ST6GAL1: variants seen among roughly 807,000 people sequenced by gnomAD.
The protein encoded by ST6GAL1 is ST6 beta-galactoside alpha-2,6-sialyltransferase 1, also known as beta-galactoside alpha-2,6-sialyltransferase 1.
ST6GAL1 carries 20 observed loss-of-function variants against 38.0 expected under a neutral mutation model. The observed-to-expected ratio is 0.53, with a 90% confidence interval of 0.37 to 0.77. ST6GAL1 has a LOEUF of 0.77. ST6GAL1 is among the 30% of genes least tolerant of loss of function. ST6GAL1 has a pLI of 0.00. For synonymous variants in ST6GAL1, 196 were observed against 188.2 expected (o/e 1.04, Z -0.34); for missense variants, 432 against 496.4 (o/e 0.87, Z 1.23).
chr3:187,064,325 CA>C (rs1719020117), intron 5 of ST6GAL1, among the ~76,000 whole-genome samples: 1 of 152,094 alleles, frequency 6.6e-6, no homozygotes, highest in African/African-American at 2.4e-5. Flanking sequence ...TGAGATAAGG[CA>C]GGGGGAGGGG....
intron 2 of ST6GAL1, among the ~76,000 whole-genome samples, chr3:186,969,266 T>A (rs910678566): frequency 6.6e-6 from 1 of 152,164 alleles, no homozygotes; most frequent in Non-Finnish European, 1.5e-5. Context: ...TTAGCCAGGC[T>A]GGTGTTGAAC....
chr3:186,957,623 T>C (rs1290104837), intron 1 of ST6GAL1, among the ~76,000 whole-genome samples: 1 of 151,898 alleles, frequency 6.6e-6, no homozygotes, highest in African/African-American at 2.4e-5. Flanking sequence ...CTTGAGTACC[T>C]GGGGCTGTGA....
chr3:187,050,320 G>C (rs1402697822), intron 4 of ST6GAL1, among the ~76,000 whole-genome samples: 1 of 152,110 alleles, frequency 6.6e-6, no homozygotes, highest in Non-Finnish European at 1.5e-5. Context: ...GTTCTCATAG[G>C]ATCACAGGAT....
At chr3:187,063,210 A>T (rs1161606757) in intron 5 of ST6GAL1, among the ~76,000 whole-genome samples, 1 of 152,230 alleles carries the variant, frequency 6.6e-6, no homozygotes, top group Non-Finnish European at 1.5e-5. Flanking sequence ...TACCCACAAC[A>T]TGATGGTGGT....
At chr3:186,953,015 A>G (rs1161288617) in intron 1 of ST6GAL1, among the ~76,000 whole-genome samples, 1 of 152,154 alleles carries the variant, frequency 6.6e-6, no homozygotes, top group Admixed American at 6.5e-5. Flanking sequence ...TTTCACAATA[A>G]ATTAAGAAAC....
chr3:187,064,867 A>AC (rs71634026), intron 5 of ST6GAL1, among the ~76,000 whole-genome samples: 2 of 152,090 alleles, frequency 1.3e-5, no homozygotes, highest in Admixed American at 6.6e-5. Flanking sequence ...CGGGGTCCCC[A>AC]CCCCCACTCC....
chr3:187,046,484 G>A (rs1046731649), intron 4 of ST6GAL1, among the ~76,000 whole-genome samples: 4 of 152,134 alleles, frequency 2.6e-5, no homozygotes, highest in Non-Finnish European at 5.9e-5. Context: ...TATAATCCAG[G>A]GAAGAAGACC....
Position 187,077,224 on chromosome 3 carries a change from GCTGGCCCA to G in ST6GAL1, c.*1425_*1432del. ...GCAACTTCAGGCTCTCTGGGCAGAG[GCTGGCCCA>G]CTGTAGTTTGCAGACATGCTCTCCA... On this transcript the variant is annotated 3_prime_UTR_variant, in exon 8 of 8. Coordinates refer to ENST00000169298, the MANE Select transcript of ST6GAL1 (RefSeq NM_173216.2). 2.7e-6 allele frequency: 1 copy of G among 369,698 alleles called. No homozygotes were observed. Among genetic ancestry groups the G allele is most frequent in the Admixed American group, 4.6e-5 (1 of 21,532 alleles). The allele number at this position is 369,698 out of a possible 1,614,324, so 22.9% of individuals were successfully genotyped here.
At chr3:186,944,809 G>A (rs78054115) in intron 1 of ST6GAL1, among the ~76,000 whole-genome samples, 14,703 of 152,166 alleles carry the variant, frequency 0.097, 880 homozygotes, top group South Asian at 0.19. Context: ...GGCACTCGTC[G>A]CTTTTGCTCA....
intron 5 of ST6GAL1, among the ~76,000 whole-genome samples, chr3:187,054,871 T>C (rs1005879117): frequency 6.6e-6 from 1 of 152,152 alleles, no homozygotes; most frequent in African/African-American, 2.4e-5. Context: ...TCAGAAGGAT[T>C]GATACAAAGA....
At chr3:187,016,364 C>T (rs1377017572) in intron 2 of ST6GAL1, among the ~76,000 whole-genome samples, 3 of 152,126 alleles carry the variant, frequency 2.0e-5, no homozygotes, top group Non-Finnish European at 1.5e-5. Flanking sequence ...GTTTCCCACA[C>T]GCAGCACCTG....
At position 187,021,755 on chromosome 3, in the gene ST6GAL1, A is replaced by G. The variant is rs1029092144; in HGVS notation, c.-182-16987A>G. 4 of 152,138 alleles carry G rather than the reference A, an allele frequency of 2.6e-5. No individual in the cohort carries two copies. The East Asian group carries it at 7.7e-4, about 29-fold the overall frequency. The allele number at this position is 152,138 out of a possible 1,614,324, so 9.4% of individuals were successfully genotyped here. On this transcript the variant is annotated intron_variant, in intron 2 of 7. Coordinates refer to ENST00000169298, the MANE Select transcript of ST6GAL1 (RefSeq NM_173216.2). ...GACTCTGTCTCAAAAAAAAAAAAAA[A>G]AAAAAACCTTCCCATGAGAGGTTCC...
chr3:186,937,531 T>C (rs1714005648), intron 1 of ST6GAL1, among the ~76,000 whole-genome samples: 1 of 152,210 alleles, frequency 6.6e-6, no homozygotes, highest in Non-Finnish European at 1.5e-5. Context: ...AGGTCACTTA[T>C]TAATTTATTC....
At chr3:187,001,715 T>C (rs1437199478) in intron 2 of ST6GAL1, among the ~76,000 whole-genome samples, 1 of 152,152 alleles carries the variant, frequency 6.6e-6, no homozygotes, top group Non-Finnish European at 1.5e-5. Flanking sequence ...CTCAGCACTT[T>C]GGGAGGCCCA....
intron 2 of ST6GAL1, among the ~76,000 whole-genome samples, chr3:187,033,474 C>T (rs946934822): frequency 2.0e-5 from 3 of 152,224 alleles, no homozygotes; most frequent in South Asian, 2.1e-4. Context: ...TCAGTTTATC[C>T]GTCAATGGTA....
At chr3:186,989,576 C>T (rs892345436) in intron 2 of ST6GAL1, among the ~76,000 whole-genome samples, 33 of 152,144 alleles carry the variant, frequency 2.2e-4, no homozygotes, top group Admixed American at 1.9e-3. Context: ...GAGCATGAAG[C>T]CCTATGCACC....
At chr3:187,005,296 A>T (rs1716748679) in intron 2 of ST6GAL1, among the ~76,000 whole-genome samples, 2 of 112,050 alleles carry the variant, frequency 1.8e-5, no homozygotes, top group East Asian at 2.6e-4. Flanking sequence ...TTTTTTTGAG[A>T]CGGAGTCTTC....
chr3:187,065,424 A>G (rs1719068509), intron 5 of ST6GAL1, among the ~76,000 whole-genome samples: 1 of 152,214 alleles, frequency 6.6e-6, no homozygotes, highest in Admixed American at 6.5e-5. Flanking sequence ...TTTATAGAGA[A>G]TGGTGTCATA....
intron 5 of ST6GAL1, among the ~76,000 whole-genome samples, chr3:187,063,638 G>A (rs752046269): frequency 5.3e-5 from 8 of 152,186 alleles, no homozygotes; most frequent in South Asian, 2.1e-4. Flanking sequence ...CTTGGACTGC[G>A]GAGGCTACCT....
Sources: gnomAD v4.1 joint callset for allele counts (sites outside exome capture counted in the v4.1 genomes callset) on GRCh38, gnomAD v4.1.1 for gene constraint, MANE v1.5 for transcripts, NCBI Gene and HGNC (gene_info 2026-07-23, HGNC 2026-07-21) for gene names.